Variants in CIB4 observed in about 807,000 individuals in gnomAD.
CIB4 encodes calcium and integrin binding family member 4.
Under a neutral mutation model 25.8 loss-of-function variants are expected in CIB4, and 25 were observed. The ratio of observed to expected loss-of-function variants is 0.97; its 90% confidence interval spans 0.71 to 1.35. CIB4 has a LOEUF of 1.35. Ranked by LOEUF, CIB4 falls within the 40% of genes most tolerant of loss-of-function variation. CIB4 has a pLI of 0.00. For synonymous variants in CIB4, 75 were observed against 81.4 expected, an observed-to-expected ratio of 0.92 and a Z score of 0.42; for missense variants, 235 against 228.2, an observed-to-expected ratio of 1.03 and a Z score of -0.19.
intron 3 of CIB4, among the ~76,000 whole-genome samples, chr2:26,624,428 G>A (rs1329776474): frequency 2.0e-5 from 3 of 152,130 alleles, no homozygotes; most frequent in African/African-American, 4.8e-5. Context: ...TTTAGTCCTC[G>A]CTCTAGGTCT....
intron 3 of CIB4, among the ~76,000 whole-genome samples, chr2:26,609,778 A>G (rs1262041858): frequency 6.6e-6 from 1 of 152,208 alleles, no homozygotes; most frequent in African/African-American, 2.4e-5. Context: ...AGTAGCTTCA[A>G]TGCTTGTGGC....
chr2:26,581,495 T>A, intron 6 of CIB4, 102 bp from the exon 7 acceptor site: 3 of 1,155,618 alleles, frequency 2.6e-6, no homozygotes, highest in Non-Finnish European at 3.9e-6. Context: ...CCGGCCTGCA[T>A]CTCGTGTCCC....
At chr2:26,637,888 G>A (rs1378532150) in intron 2 of CIB4, among the ~76,000 whole-genome samples, 2 of 152,192 alleles carry the variant, frequency 1.3e-5, no homozygotes, top group Non-Finnish European at 2.9e-5. Context: ...CTGCACTGCT[G>A]TCCCTGGCCC....
At chr2:26,585,773 C>G (rs1158595421) in intron 4 of CIB4, among the ~76,000 whole-genome samples, 1 of 152,034 alleles carries the variant, frequency 6.6e-6, no homozygotes, top group East Asian at 1.9e-4. Flanking sequence ...GGTTTCTCCC[C>G]GAACTCCAGG....
intron 3 of CIB4, among the ~76,000 whole-genome samples, chr2:26,605,320 T>A (rs776489688): frequency 2.6e-5 from 4 of 151,656 alleles, no homozygotes; most frequent in Non-Finnish European, 5.9e-5. Flanking sequence ...AAAAAAAAAA[T>A]GTCCTTCACC....
At chr2:26,584,300 C>T (rs940517054) in intron 4 of CIB4, among the ~76,000 whole-genome samples, 11 of 152,116 alleles carry the variant, frequency 7.2e-5, no homozygotes, top group South Asian at 6.2e-4. Context: ...TCCACCCCTG[C>T]GCTTTGCAAC....
chr2:26,583,518 T>G (rs1051694568), intron 5 of CIB4, among the ~76,000 whole-genome samples: 1 of 152,032 alleles, frequency 6.6e-6, no homozygotes, highest in Non-Finnish European at 1.5e-5. Flanking sequence ...TCGGGCTCCG[T>G]GTTCTGGGGA....
intron 3 of CIB4, among the ~76,000 whole-genome samples, chr2:26,608,030 G>A (rs1196646128): frequency 2.6e-5 from 4 of 152,228 alleles, no homozygotes; most frequent in African/African-American, 9.6e-5. Context: ...CTGAAGTCAG[G>A]AGTTCAAGGC....
intron 3 of CIB4, among the ~76,000 whole-genome samples, chr2:26,601,224 AAAAAAAAATAT>A (rs1283605812): frequency 8.1e-4 from 42 of 51,834 alleles, no homozygotes; most frequent in Middle Eastern, 5.6e-3. Flanking sequence ...TGTCAAAAAA[AAAAAAAAATAT>A]ATATATATAT....
intron 3 of CIB4, among the ~76,000 whole-genome samples, chr2:26,624,450 T>C (rs1558571026): frequency 6.6e-6 from 1 of 152,120 alleles, no homozygotes; most frequent in Non-Finnish European, 1.5e-5. Context: ...CAAAAGCTGG[T>C]CTGAGCACTA....
rs144929196 is a variant in CIB4 at position 26,612,322 on chromosome 2, G to A, written c.187-17005C>T. ...CAGTGGAAGATGGCCCCAGCTCATC[G>A]CACCATCTTTGAGTCTTAGAGCATC... On this transcript the variant is annotated intron_variant, in intron 3 of 6. Transcript: ENST00000288861. Among the ~76,000 whole-genome samples the A allele has an allele frequency of 9.2e-3, 1,398 of 152,320 alleles. 12 individuals carry two copies. Among genetic ancestry groups the A allele is most frequent in the Non-Finnish European group, 0.015 (1,046 of 68,030 alleles).
chr2:26,606,662 C>T (rs1257145816), intron 3 of CIB4, among the ~76,000 whole-genome samples: 7 of 152,236 alleles, frequency 4.6e-5, no homozygotes, highest in South Asian at 2.1e-4. Flanking sequence ...ATTTCTGGGG[C>T]GCTGGGGTCC....
Position 26,595,227 on chromosome 2 carries a change from T to G in CIB4, c.277A>C (p.Ser93Arg). 1 of 1,614,138 alleles carries G rather than the reference T, an allele frequency of 6.2e-7. No homozygotes were observed. The highest frequency in any genetic ancestry group is 8.5e-7 in the Non-Finnish European group (1 of 1,179,980). The change falls in exon 4 of 7, where the codon AGC becomes CGC. Residue 93 changes from serine (S) to arginine (R), a missense_variant. Coordinates refer to ENST00000288861, the MANE Select transcript of CIB4 (RefSeq NM_001029881.3). ...EDVLGMASVF[S>R]EQACPSLKIE... ...TTCAGGCTTGGGCAGGCCTGCTCGC[T>G]GAACACAGATGCCATGCCCAGCACA...
At position 26,583,780 on chromosome 2, in the gene CIB4, A is replaced by C. The variant is rs1668397205; in HGVS notation, c.438+9T>G. Reference sequence around the variant, plus strand: ...CCCCAGCCACCAACTCCCAGCCCCCAGCACACACGTGGTTCGTGAGGTCCA... The same window carrying C: ...CCCCAGCCACCAACTCCCAGCCCCCCGCACACACGTGGTTCGTGAGGTCCA... On this transcript the variant is annotated intron_variant, in intron 5 of 6. Coordinates refer to ENST00000288861, the MANE Select transcript of CIB4 (RefSeq NM_001029881.3). 6.3e-7 allele frequency: 1 copy of C among 1,577,456 alleles called. No homozygotes were observed. Among genetic ancestry groups the C allele is most frequent in the Non-Finnish European group, 8.7e-7 (1 of 1,148,086 alleles).
intron 4 of CIB4, among the ~76,000 whole-genome samples, chr2:26,588,813 G>A (rs1367867818): frequency 6.6e-6 from 1 of 152,186 alleles, no homozygotes; most frequent in Non-Finnish European, 1.5e-5. Flanking sequence ...ACATTGCTGG[G>A]ATGGTGGTCT....
chr2:26,603,317 G>A (rs1668828379), intron 3 of CIB4, among the ~76,000 whole-genome samples: 1 of 152,190 alleles, frequency 6.6e-6, no homozygotes, highest in Non-Finnish European at 1.5e-5. Flanking sequence ...TGGAAAACTA[G>A]TGCAAGCCGA....
intron 3 of CIB4, among the ~76,000 whole-genome samples, chr2:26,601,259 T>C (rs1325453539): frequency 1.5e-5 from 2 of 129,824 alleles, no homozygotes; most frequent in Non-Finnish European, 3.3e-5. Flanking sequence ...TATATATATA[T>C]ATATATATAT....
chr2:26,611,487 A>C (rs1334968292), intron 3 of CIB4, among the ~76,000 whole-genome samples: 1 of 152,142 alleles, frequency 6.6e-6, no homozygotes, highest in Non-Finnish European at 1.5e-5. Flanking sequence ...CAGGTTTCTT[A>C]TTTTGTGCAG....
chr2:26,603,061 G>T (rs747403641), intron 3 of CIB4, among the ~76,000 whole-genome samples: 1 of 148,542 alleles, frequency 6.7e-6, no homozygotes, highest in Non-Finnish European at 1.5e-5. Flanking sequence ...AAAAAACGGG[G>T]TGGGGTGGGG....
Sources: gnomAD v4.1 joint callset for allele counts (sites outside exome capture counted in the v4.1 genomes callset) on GRCh38, gnomAD v4.1.1 for gene constraint, MANE v1.5 for transcripts, NCBI Gene and HGNC (gene_info 2026-07-23, HGNC 2026-07-21) for gene names.